The following MROH1 variants were observed in gnomAD, a reference collection of about 807,000 sequenced individuals.
The protein encoded by MROH1 is maestro heat like repeat family member 1, also known as maestro heat-like repeat-containing protein family member 1.
Under a neutral mutation model 116.5 loss-of-function variants are expected in MROH1, and 117 were observed. That is an observed-to-expected ratio of 1.00 (90% CI 0.86 to 1.17). MROH1 has a LOEUF of 1.17. Among genes scored for constraint, MROH1 ranks in the 50% most tolerant of loss-of-function variants. The pLI, the probability that MROH1 is intolerant of heterozygous loss-of-function variation, is 0.00. For synonymous variants in MROH1, 921 were observed against 583.9 expected, an observed-to-expected ratio of 1.58 and a Z score of -8.32; for missense variants, 1,873 against 1,338.5, an observed-to-expected ratio of 1.40 and a Z score of -6.23.
At chr8:144,203,495 G>T (rs574103285) in intron 12 of MROH1, among the ~76,000 whole-genome samples, 22 of 151,818 alleles carry the variant, frequency 1.4e-4, no homozygotes, top group African/African-American at 4.8e-4. Flanking sequence ...TCTGTTGAGG[G>T]GTTGGGAGGG....
In MROH1 at chr8:144,180,414, C is replaced by T; in HGVS notation, c.464-11C>T. On this transcript the variant is annotated splice_polypyrimidine_tract_variant and intron_variant, in intron 6 of 43. Coordinates refer to ENST00000326134, the MANE Select transcript of MROH1 (RefSeq NM_032450.3). This position sits in a 1 kb window ranked among gnomAD's most constrained non-coding sequence, Gnocchi z 7.4. ...CTTGGCGGAGGCCTTTGACGGTGTC[C>T]TCTCTCACAGCGTTCGGCGTAGTCC... 6.2e-7 allele frequency: 1 copy of T among 1,612,962 alleles called. No homozygotes were observed.
At chr8:144,250,432 C>T in intron 33 of MROH1, 66 bp downstream of exon 33, 1 of 710,970 alleles carries the variant, frequency 1.4e-6, no homozygotes, top group Admixed American at 2.0e-5. Context: ...AATGATGCTC[C>T]CCGAGCCCTC....
intron 14 of MROH1, among the ~76,000 whole-genome samples, chr8:144,224,320 A>C (rs188465136): frequency 4.6e-5 from 7 of 152,272 alleles, no homozygotes; most frequent in African/African-American, 1.7e-4. Flanking sequence ...GCCAGACTGG[A>C]GTGCATTGGC....
At chr8:144,256,193 C>T (rs1272015065) in intron 35 of MROH1, among the ~76,000 whole-genome samples, 2 of 152,158 alleles carry the variant, frequency 1.3e-5, no homozygotes, top group Non-Finnish European at 2.9e-5. Flanking sequence ...ACACACCTGC[C>T]TGGGGCCATA....
intron 7 of MROH1, among the ~76,000 whole-genome samples, chr8:144,184,579 CTG>C (rs1212715311): frequency 2.6e-5 from 4 of 152,228 alleles, no homozygotes; most frequent in Non-Finnish European, 2.9e-5. Flanking sequence ...AGAAACAAAA[CTG>C]TAACCATTTC....
chr8:144,153,387 G>A (rs1350151338), intron 1 of MROH1, among the ~76,000 whole-genome samples: 4 of 151,920 alleles, frequency 2.6e-5, no homozygotes, highest in African/African-American at 7.3e-5. Context: ...AGTAGAGATG[G>A]CGTTTCACCA....
At chr8:144,174,762 T>C in intron 4 of MROH1, 1 of 894,500 alleles carries the variant, frequency 1.1e-6, no homozygotes, top group Non-Finnish European at 1.3e-6. Context: ...GGGTTACAGG[T>C]GTGAGCCACT....
chr8:144,259,333 C>T lies in MROH1; in HGVS notation c.4023C>T (p.Thr1341=), dbSNP rs2129975777. Residue 1341 remains threonine (T), a synonymous_variant, in exon 37 of 44, where the codon ACC becomes ACT. Coordinates refer to ENST00000326134, the MANE Select transcript of MROH1 (RefSeq NM_032450.3). ...HSSAYENQRV[T]TTAFLAELLN... ...GTGCGTATGAGAACCAGAGGGTGAC[C>T]ACCACCGCCTTCCTGGCCGAGGTAG... The T allele has an allele frequency of 1.4e-6, 1 of 715,154 alleles. No homozygotes were observed. The highest frequency in any genetic ancestry group is 2.0e-5 in the Admixed American group (1 of 50,010). The allele number at this position is 715,154 out of a possible 1,614,324, so 44.3% of individuals were successfully genotyped here. A position where few individuals can be genotyped will look rare whatever the true frequency, so the allele number is the denominator to read the frequency against.
chr8:144,223,294 G>C, intron 14 of MROH1, 64 bp downstream of exon 14: 1 of 1,531,870 alleles, frequency 6.5e-7, no homozygotes, highest in South Asian at 1.2e-5. Flanking sequence ...GTTAGGCACT[G>C]GCATCAGGAG....
At chr8:144,250,823 G>T (rs1188075284) in intron 33 of MROH1, 4 of 342,580 alleles carry the variant, frequency 1.2e-5, no homozygotes, top group Non-Finnish European at 2.3e-5. Flanking sequence ...GGAGCCCAAG[G>T]ACAACCTTGT....
At chr8:144,248,433 CTG>C (rs1252157774) in intron 31 of MROH1, among the ~76,000 whole-genome samples, 12 of 152,330 alleles carry the variant, frequency 7.9e-5, no homozygotes, top group South Asian at 4.1e-4. Flanking sequence ...GGTCCAGAGA[CTG>C]TGTCTCCTGC....
chr8:144,158,111 G>A (rs1163217974), intron 1 of MROH1, among the ~76,000 whole-genome samples: 2 of 149,668 alleles, frequency 1.3e-5, no homozygotes, highest in African/African-American at 4.9e-5. Flanking sequence ...TCCTGTCTCA[G>A]CCTCCCAAGT....
At chr8:144,192,124 C>T (rs566117916) in intron 9 of MROH1, among the ~76,000 whole-genome samples, 185 bp from the exon 10 acceptor site, 39 of 152,236 alleles carry the variant, frequency 2.6e-4, no homozygotes, top group South Asian at 1.2e-3. Context: ...GGGCCCTCCC[C>T]ACCCTCCTCC....
Position 144,254,851 on chromosome 8 carries a change from C to A in MROH1, c.3467C>A (p.Pro1156His). ...CMLWRALAVE[P>H]RLAAQVLGLL... ...CTGTGGCGGGCGCTGGCGGTGGAGC[C>A]TCGCCTAGCTGCCCAGGTCCTGGGG... The change falls in exon 34 of 44, where the codon CCT becomes CAT. Residue 1156 changes from proline (P) to histidine (H), a missense_variant. Physicochemically the swap from Pro to His is moderately conservative, Grantham distance 77 (BLOSUM62 -2). Coordinates refer to ENST00000326134, the MANE Select transcript of MROH1 (RefSeq NM_032450.3). The A allele has an allele frequency of 1.3e-6, 1 of 777,586 alleles. No homozygotes were observed. Among genetic ancestry groups the A allele is most frequent in the Non-Finnish European group, 2.4e-6 (1 of 417,566 alleles). 48.2% of individuals were successfully genotyped at this position (777,586 alleles called of 1,614,324 possible).
chr8:144,260,109 G>A, intron 38 of MROH1, 52 bp downstream of exon 38: 2 of 745,122 alleles, frequency 2.7e-6, no homozygotes, highest in East Asian at 2.5e-5. Context: ...GTGGGGGGCT[G>A]TGCATGGAGG....
chr8:144,239,714 A>G lies in MROH1; in HGVS notation c.1733A>G (p.His578Arg). 2.8e-6 allele frequency: 2 copies of G among 724,964 alleles called. No individual in the cohort carries two copies. The highest frequency in any genetic ancestry group is 1.5e-5 in the South Asian group (1 of 68,040). The allele number at this position is 724,964 out of a possible 1,614,324, so 44.9% of individuals were successfully genotyped here. ...AACATTCACCCTTTGCTGGGTCAGC[A>G]TTGGGAAACGACTGTCCCGCTGCTG... ...HPNIHPLLGQ[H>R]WETTVPLLLG... The change falls in exon 18 of 44, where the codon CAT becomes CGT. Residue 578 changes from histidine to arginine, a missense_variant. His to Arg is a conservative substitution (Grantham distance 29, BLOSUM62 0). Coordinates refer to ENST00000326134, the MANE Select transcript of MROH1 (RefSeq NM_032450.3).
In MROH1 at chr8:144,261,800, A is replaced by C. The variant is rs1383018242; in HGVS notation, c.*60A>C. ...CCCAGACCTGTGCCTGAGCTCCAAGACAGGGCCTCCTGAGGACCACAGCCT... is the reference window on the plus strand; with the variant it reads ...CCCAGACCTGTGCCTGAGCTCCAAGCCAGGGCCTCCTGAGGACCACAGCCT... On this transcript the variant is annotated 3_prime_UTR_variant, in exon 44 of 44. Transcript: ENST00000326134. The C allele has an allele frequency of 1.3e-5, 9 of 699,818 alleles. No individual in the cohort carries two copies. The East Asian group carries it at 2.4e-4, about 19-fold the overall frequency. The allele number at this position is 699,818 out of a possible 1,614,324, so 43.4% of individuals were successfully genotyped here.
In MROH1 at chr8:144,239,359, T is replaced by A; in HGVS notation, c.1628T>A (p.Leu543Gln). Reference sequence around the variant, plus strand: ...TCTCCCTATGCTGTAACCGGAAGACTGTTGGTGAGCCTCGCCCTTTCACAG... The same window carrying A: ...TCTCCCTATGCTGTAACCGGAAGACAGTTGGTGAGCCTCGCCCTTTCACAG... ...LPSPYAVTGRLLVVSSSPYLG... is the reference protein window; with the variant it reads ...LPSPYAVTGRQLVVSSSPYLG... Residue 543 changes from leucine (L) to glutamine (Q), a missense_variant, in exon 17 of 44, where the codon CTG becomes CAG. Leu to Gln is a moderately radical substitution (Grantham distance 113, BLOSUM62 -2). Coordinates refer to ENST00000326134, the MANE Select transcript of MROH1 (RefSeq NM_032450.3). The A allele has an allele frequency of 1.3e-6, 1 of 780,468 alleles. No homozygotes were observed. Among genetic ancestry groups the A allele is most frequent in the Non-Finnish European group, 2.4e-6 (1 of 417,806 alleles). 48.3% of individuals were successfully genotyped at this position (780,468 alleles called of 1,614,324 possible). A position where few individuals can be genotyped will look rare whatever the true frequency, so the allele number is the denominator to read the frequency against.
chr8:144,154,515 A>G (rs1587706909), intron 1 of MROH1, among the ~76,000 whole-genome samples: 1 of 152,156 alleles, frequency 6.6e-6, no homozygotes, highest in African/African-American at 2.4e-5. Flanking sequence ...CAAACTGCTC[A>G]TGTGGGGGTG....
Sources: gnomAD v4.1 joint callset for allele counts (sites outside exome capture counted in the v4.1 genomes callset) on GRCh38, gnomAD v4.1.1 for gene constraint, Gnocchi (gnomAD v3.1) non-coding constraint, MANE v1.5 for transcripts, NCBI Gene and HGNC (gene_info 2026-07-23, HGNC 2026-07-21) for gene names.